Variants in CAMK2B observed in about 807,000 individuals in gnomAD.
CAMK2B encodes the protein calcium/calmodulin dependent protein kinase II beta.
A neutral mutation model predicts 93.7 loss-of-function variants in CAMK2B; 27 were observed. The observed-to-expected ratio is 0.29, with a 90% CI of 0.21 to 0.40. The LOEUF is 0.40. CAMK2B is among the 10% of genes least tolerant of loss of function. The pLI is 1.00. For synonymous variants in CAMK2B, 374 were observed against 358.8 expected (o/e 1.04, Z -0.48); for missense variants, 568 against 895.8 (o/e 0.63, Z 4.67).
In CAMK2B at chr7:44,230,934, G is replaced by A. The variant is rs951244256; in HGVS notation, c.1225+72C>T. ...TCGCAGGAGAGTTGACCCTGCCCAA[G>A]TCCCACCCACCTCAAAGAGCAACCC... On this transcript the variant is annotated intron_variant, in intron 17 of 23. Coordinates refer to ENST00000395749, the MANE Select transcript of CAMK2B (RefSeq NM_001220.5). 5.9e-6 allele frequency: 8 copies of A among 1,361,018 alleles called. No homozygotes were observed. The Admixed American group carries it at 1.4e-4, about 24-fold the overall frequency. 84.3% of individuals were successfully genotyped at this position (1,361,018 alleles called of 1,614,324 possible). A position where few individuals can be genotyped will look rare whatever the true frequency, so the allele number is the denominator to read the frequency against.
intron 6 of CAMK2B, among the ~76,000 whole-genome samples, chr7:44,243,738 C>G (rs1047549681): frequency 1.3e-5 from 2 of 152,342 alleles, no homozygotes; most frequent in Admixed American, 1.3e-4. Context: ...AGCCCCTCTG[C>G]CCCTGGGGAC....
intron 4 of CAMK2B, among the ~76,000 whole-genome samples, chr7:44,258,132 A>T (rs2096849558): frequency 6.6e-6 from 1 of 152,242 alleles, no homozygotes; most frequent in Non-Finnish European, 1.5e-5. Context: ...CTGCTTCTAA[A>T]TCCGGCAGGA....
intron 19 of CAMK2B, 33 bp from the exon 20 acceptor site, chr7:44,226,677 G>A: frequency 6.6e-7 from 1 of 1,509,580 alleles, no homozygotes. Flanking sequence ...TGAACACAAG[G>A]CAGGCACGGG....
At chr7:44,303,314 A>G (rs1790611041) in intron 1 of CAMK2B, among the ~76,000 whole-genome samples, 1 of 152,204 alleles carries the variant, frequency 6.6e-6, no homozygotes, top group African/African-American at 2.4e-5. Context: ...AATATTGTCC[A>G]ATGTCAGTTT....
Position 44,240,859 on chromosome 7 carries a change from T to C in CAMK2B, c.904-110A>G, listed in dbSNP as rs2096671413. 2.6e-6 allele frequency: 3 copies of C among 1,169,804 alleles called. No individual in the cohort carries two copies. The South Asian group carries it at 4.0e-5, about 16-fold the overall frequency. 72.5% of individuals were successfully genotyped at this position (1,169,804 alleles called of 1,614,324 possible). On this transcript the variant is annotated intron_variant, in intron 11 of 23. Transcript: ENST00000395749. ...GCCCAGATGCTCAGCCTCATTGTCA[T>C]GAGGCTGACATGACCTCAGCCTTCC...
Position 44,278,150 on chromosome 7 carries a change from C to T in CAMK2B, c.160+5981G>A, listed in dbSNP as rs572944736. On this transcript the variant is annotated intron_variant, in intron 2 of 23. Coordinates refer to ENST00000395749, the MANE Select transcript of CAMK2B (RefSeq NM_001220.5). ...GCAGGGTGGCAGGCTGCCCGTGGGACGATCCAGGACAGCTTCATGGAGGAG... is the reference window on the plus strand; with the variant it reads ...GCAGGGTGGCAGGCTGCCCGTGGGATGATCCAGGACAGCTTCATGGAGGAG... Among the ~76,000 whole-genome samples, 9 of 152,240 alleles carry T rather than the reference C, an allele frequency of 5.9e-5. No individual in the cohort carries two copies. In the East Asian group the frequency reaches 9.7e-4, roughly 16 times the overall value.
Position 44,312,825 on chromosome 7 carries a change from G to T in CAMK2B, c.65+12532C>A, listed in dbSNP as rs761763689. ...AAGAATAAAATGAACCTGGCCTCAG[G>T]CATGCAGAGGAGTTGTGAAAAGCAT... On this transcript the variant is annotated intron_variant, in intron 1 of 23. Coordinates refer to ENST00000395749, the MANE Select transcript of CAMK2B (RefSeq NM_001220.5). The surrounding 1 kb of genome is among the most constrained non-coding windows in gnomAD (Gnocchi z 4.1). 6.6e-6 allele frequency among the ~76,000 whole-genome samples: 1 copy of T among 152,148 alleles called. No homozygotes were observed. The highest frequency in any genetic ancestry group is 1.5e-5 in the Non-Finnish European group (1 of 68,028).
At chr7:44,318,806 CT>C (rs1795397467) in intron 1 of CAMK2B, among the ~76,000 whole-genome samples, 1 of 152,198 alleles carries the variant, frequency 6.6e-6, no homozygotes, top group Admixed American at 6.5e-5. Flanking sequence ...TCAACAAAAG[CT>C]TCTGTCTGGC....
chr7:44,318,735 T>C (rs1436621773), intron 1 of CAMK2B, among the ~76,000 whole-genome samples: 1 of 152,290 alleles, frequency 6.6e-6, no homozygotes. Flanking sequence ...TGTGCCATTA[T>C]GCTTCCTCCC....
At chr7:44,319,082 C>A (rs1795456722) in intron 1 of CAMK2B, among the ~76,000 whole-genome samples, 1 of 152,192 alleles carries the variant, frequency 6.6e-6, no homozygotes. Context: ...CAAGTTGATA[C>A]ATAATGCATT....
intron 19 of CAMK2B, among the ~76,000 whole-genome samples, chr7:44,228,485 C>T (rs1562810381): frequency 6.6e-6 from 1 of 152,048 alleles, no homozygotes; most frequent in African/African-American, 2.4e-5. Context: ...GCATGGGGGG[C>T]CTCGGAGGGG....
At chr7:44,294,643 C>T (rs1404165949) in intron 1 of CAMK2B, among the ~76,000 whole-genome samples, 1 of 152,188 alleles carries the variant, frequency 6.6e-6, no homozygotes, top group Non-Finnish European at 1.5e-5. Context: ...TGTACAAGTC[C>T]CATCTCCTGG....
At chr7:44,283,656 C>CGTT (rs1784320082) in intron 2 of CAMK2B, among the ~76,000 whole-genome samples, 1 of 152,224 alleles carries the variant, frequency 6.6e-6, no homozygotes, top group Non-Finnish European at 1.5e-5. Context: ...GATGGCCAAC[C>CGTT]GCAGCACTGC....
chr7:44,304,988 AC>A (rs201664064), intron 1 of CAMK2B, among the ~76,000 whole-genome samples: 1,849 of 152,296 alleles, frequency 0.012, 10 homozygotes, highest in Non-Finnish European at 0.019. Context: ...ACTTTTTAAA[AC>A]CATAGGCAGA....
In CAMK2B at chr7:44,254,595, C is replaced by T. The variant is rs759830583; in HGVS notation, c.288G>A (p.Gly96=). The change falls in exon 5 of 24, where the codon GGG becomes GGA. Residue 96 remains glycine, a synonymous_variant. Transcript: ENST00000395749. ...HYLVFDLVTG[G]ELFEDIVARE... Reference sequence around the variant, plus strand: ...TCGCCACAATGTCTTCAAAGAGCTCCCCACCAGTGACCCTATGGGAGAAGC... The same window carrying T: ...TCGCCACAATGTCTTCAAAGAGCTCTCCACCAGTGACCCTATGGGAGAAGC... 1 of 1,611,596 alleles carries T rather than the reference C, an allele frequency of 6.2e-7. No homozygotes were observed.
intron 17 of CAMK2B, 112 bp from the exon 18 acceptor site, chr7:44,229,613 A>G: frequency 3.2e-6 from 1 of 313,444 alleles, no homozygotes; most frequent in South Asian, 5.3e-5. Flanking sequence ...ACAGCTGGAT[A>G]CCTGGGGCTC....
rs374789843 is a variant in CAMK2B, at chr7:44,291,542, T to C, written c.66-7317A>G. On this transcript the variant is annotated intron_variant, in intron 1 of 23. Transcript: ENST00000395749. ...TGAGCACCCAAACTCGGCCACAGCC[T>C]GGGCCGGCATCCAAGCATGTGCCTT... 9.9e-5 allele frequency among the ~76,000 whole-genome samples: 15 copies of C among 152,230 alleles called. 1 individual carries two copies. The highest frequency in any genetic ancestry group is 2.0e-4 in the Admixed American group (3 of 15,286).
intron 4 of CAMK2B, 63 bp from the exon 5 acceptor site, chr7:44,254,670 T>G (rs370219624): frequency 9.3e-7 from 1 of 1,073,390 alleles, no homozygotes; most frequent in East Asian, 2.4e-5. Context: ...CACTGTCACC[T>G]CCATTACTAC....
intron 20 of CAMK2B, among the ~76,000 whole-genome samples, chr7:44,223,192 C>T (rs1049801870): frequency 1.3e-5 from 2 of 152,176 alleles, no homozygotes; most frequent in African/African-American, 4.8e-5. Flanking sequence ...TCGTGTGTGC[C>T]TGTGTTGTGT....
Sources: gnomAD v4.1 joint callset for allele counts (sites outside exome capture counted in the v4.1 genomes callset) on GRCh38, gnomAD v4.1.1 for gene constraint, Gnocchi (gnomAD v3.1) non-coding constraint, MANE v1.5 for transcripts, NCBI Gene and HGNC (gene_info 2026-07-23, HGNC 2026-07-21) for gene names.